The following ARHGEF12 variants were observed in gnomAD, a reference collection of about 807,000 sequenced individuals.
The protein encoded by ARHGEF12 is KMT2A/ARHGEF12 fusion protein.
A neutral mutation model predicts 211.2 loss-of-function variants in ARHGEF12; 66 were observed. That is an observed-to-expected ratio of 0.31 (90% CI 0.26 to 0.38). The LOEUF (loss-of-function observed/expected upper bound fraction) is 0.38, where lower values mean the gene tolerates loss of function less well. ARHGEF12 is among the 10% of genes least tolerant of loss of function. The probability of loss-of-function intolerance (pLI) is 1.00; values close to 1 mark genes in which losing one functional copy is unlikely to be tolerated. For synonymous variants in ARHGEF12, 592 were observed against 638.4 expected (o/e 0.93, Z 1.09); for missense variants, 1,429 against 1,869.5 (o/e 0.76, Z 4.34).
In ARHGEF12 at chr11:120,380,060, C is replaced by A. The variant is rs145488801; in HGVS notation, c.33-26058C>A. Among the ~76,000 whole-genome samples, 7 of 152,232 alleles carry A rather than the reference C, an allele frequency of 4.6e-5. No homozygotes were observed. In the East Asian group the frequency reaches 1.3e-3, roughly 29 times the overall value. ...CCTTTAAATGCTTGTGATAATTCAC[C>A]AGTGAAGTGAGTTTTCTTTGTGGAA... is the stretch of plus-strand genomic sequence containing the variant. On this transcript the variant is annotated intron_variant, in intron 1 of 40. Coordinates refer to ENST00000397843, the MANE Select transcript of ARHGEF12 (RefSeq NM_015313.3).
intron 1 of ARHGEF12, among the ~76,000 whole-genome samples, chr11:120,339,591 T>C (rs1942467847): frequency 6.6e-6 from 1 of 152,170 alleles, no homozygotes; most frequent in Admixed American, 6.5e-5. Flanking sequence ...TTTCGTAGAG[T>C]GTGCAGAACC....
At chr11:120,363,617 G>T (rs1943339525) in intron 1 of ARHGEF12, among the ~76,000 whole-genome samples, 1 of 152,200 alleles carries the variant, frequency 6.6e-6, no homozygotes, top group African/African-American at 2.4e-5. Flanking sequence ...AAATCATGAA[G>T]ATAGTATTTT....
Position 120,487,646 on chromosome 11 carries a change from A to G in ARHGEF12, c.*2569A>G, listed in dbSNP as rs1260650821. ...AGAAGTTGAAATCTACTTCCCTGCTAAAGGGCACAGGGGTGGTGTACAAAG... is the reference window on the plus strand; with the variant it reads ...AGAAGTTGAAATCTACTTCCCTGCTGAAGGGCACAGGGGTGGTGTACAAAG... On this transcript the variant is annotated 3_prime_UTR_variant, in exon 41 of 41. Coordinates refer to ENST00000397843, the MANE Select transcript of ARHGEF12 (RefSeq NM_015313.3). 4.6e-6 allele frequency: 1 copy of G among 216,056 alleles called. No homozygotes were observed. 13.4% of individuals were successfully genotyped at this position (216,056 alleles called of 1,614,324 possible).
intron 22 of ARHGEF12, among the ~76,000 whole-genome samples, chr11:120,454,563 G>T (rs1371584901): frequency 6.6e-6 from 1 of 152,038 alleles, no homozygotes; most frequent in Non-Finnish European, 1.5e-5. Context: ...AATTTATCTC[G>T]ACTTTTTGGT....
chr11:120,483,054 T>TC (rs1947295926), intron 39 of ARHGEF12, among the ~76,000 whole-genome samples: 1 of 152,206 alleles, frequency 6.6e-6, no homozygotes, highest in Non-Finnish European at 1.5e-5. Flanking sequence ...AAATTCATCA[T>TC]TAGGCATTTT....
intron 20 of ARHGEF12, chr11:120,448,767 T>C: frequency 3.7e-6 from 1 of 273,928 alleles, no homozygotes; most frequent in East Asian, 7.6e-5. Flanking sequence ...AAGGACCTTC[T>C]TTATTATTGT....
chr11:120,372,514 A>G (rs1031730298), intron 1 of ARHGEF12, among the ~76,000 whole-genome samples: 2 of 152,154 alleles, frequency 1.3e-5, no homozygotes, highest in African/African-American at 4.8e-5. Flanking sequence ...TTTGCTTTGT[A>G]TAATGCAGTT....
At chr11:120,406,171 A>C (rs1944698345) in intron 2 of ARHGEF12, 30 bp downstream of exon 2, 2 of 1,441,926 alleles carry the variant, frequency 1.4e-6, no homozygotes, top group Non-Finnish European at 1.8e-6. Flanking sequence ...CTTCATACTC[A>C]AGTTTAGGTT....
chr11:120,354,109 C>G (rs1191172927), intron 1 of ARHGEF12, among the ~76,000 whole-genome samples: 1 of 152,078 alleles, frequency 6.6e-6, no homozygotes, highest in African/African-American at 2.4e-5. Flanking sequence ...TAGGAGATGC[C>G]TAGAGACCCT....
chr11:120,469,219 C>A, intron 29 of ARHGEF12, 69 bp from the exon 30 acceptor site: 2 of 1,171,150 alleles, frequency 1.7e-6, no homozygotes, highest in Non-Finnish European at 2.5e-6. Flanking sequence ...GAAATGAAAT[C>A]TCATTTACAT....
intron 1 of ARHGEF12, among the ~76,000 whole-genome samples, chr11:120,365,346 A>G (rs1264529734): frequency 1.3e-5 from 2 of 152,204 alleles, no homozygotes; most frequent in Non-Finnish European, 2.9e-5. Context: ...CTAGGAATGC[A>G]AATGAAAGAC....
intron 29 of ARHGEF12, among the ~76,000 whole-genome samples, chr11:120,469,062 C>G (rs1946792573): frequency 6.6e-6 from 1 of 152,056 alleles, no homozygotes; most frequent in Non-Finnish European, 1.5e-5. Context: ...ACTGTGATTT[C>G]TTTTTAAAGA....
intron 27 of ARHGEF12, 42 bp downstream of exon 27, chr11:120,460,799 C>T (rs757351312): frequency 3.2e-5 from 48 of 1,513,810 alleles, no homozygotes; most frequent in Non-Finnish European, 3.8e-5. Flanking sequence ...TTTATGGACA[C>T]TTGATGGTTA....
At chr11:120,430,911 AGT>A (rs1945506514) in intron 10 of ARHGEF12, among the ~76,000 whole-genome samples, 1 of 152,052 alleles carries the variant, frequency 6.6e-6, no homozygotes, top group Non-Finnish European at 1.5e-5. Context: ...TCACATTTTG[AGT>A]GTTACACCTC....
At chr11:120,471,130 TAAAG>T in intron 30 of ARHGEF12, among the ~76,000 whole-genome samples, 1 of 152,174 alleles carries the variant, frequency 6.6e-6, no homozygotes, top group Non-Finnish European at 1.5e-5. Flanking sequence ...TATCTGAAGA[TAAAG>T]ATATACCCAC....
chr11:120,450,209 A>G (rs1015994223), intron 21 of ARHGEF12: 1 of 152,034 alleles, frequency 6.6e-6, no homozygotes, highest in African/African-American at 2.4e-5. Flanking sequence ...TGCCTCTACA[A>G]CAAGAACAGC....
At chr11:120,422,691 A>G (rs1684022051) in intron 6 of ARHGEF12, among the ~76,000 whole-genome samples, 1 of 152,190 alleles carries the variant, frequency 6.6e-6, no homozygotes, top group Admixed American at 6.5e-5. Context: ...ACCTGTATGC[A>G]AATAGAATTG....
chr11:120,461,793 T>G (rs1946543628), intron 27 of ARHGEF12, among the ~76,000 whole-genome samples: 1 of 152,244 alleles, frequency 6.6e-6, no homozygotes, highest in Non-Finnish European at 1.5e-5. Context: ...TGCATCACTT[T>G]GTACTTTTAT....
intron 4 of ARHGEF12, chr11:120,410,364 T>C (rs559959373): frequency 7.9e-5 from 12 of 152,088 alleles, no homozygotes; most frequent in African/African-American, 2.6e-4. Context: ...GCTAAGATTT[T>C]AAAAATAATT....
Sources: allele counts gnomAD v4.1 joint callset (sites outside exome capture counted in the v4.1 genomes callset), GRCh38; gene constraint gnomAD v4.1.1; transcripts MANE v1.5; gene names NCBI Gene and HGNC (gene_info 2026-07-23, HGNC 2026-07-21).